The following BCAS3 variants were observed in gnomAD, a reference collection of about 807,000 sequenced individuals.
The protein encoded by BCAS3 is BCAS4/BCAS3 fusion.
A neutral mutation model predicts 116.1 loss-of-function variants in BCAS3; 53 were observed. That is an observed-to-expected ratio of 0.46 (90% CI 0.37 to 0.57). The LOEUF (loss-of-function observed/expected upper bound fraction) is 0.57, where lower values mean the gene tolerates loss of function less well. BCAS3 is among the 20% of genes least tolerant of loss of function. The probability of loss-of-function intolerance (pLI) is 0.00; values close to 1 mark genes in which losing one functional copy is unlikely to be tolerated. For synonymous variants in BCAS3, 391 were observed against 408.2 expected, an observed-to-expected ratio of 0.96 and a Z score of 0.51; for missense variants, 917 against 1,165.4, an observed-to-expected ratio of 0.79 and a Z score of 3.10.
At chr17:60,855,195 A>C (rs572447698) in intron 7 of BCAS3, among the ~76,000 whole-genome samples, 1 of 150,594 alleles carries the variant, frequency 6.6e-6, no homozygotes, top group African/African-American at 2.4e-5. Context: ...TGATCTACCC[A>C]CCTTGGCCTC....
intron 22 of BCAS3, among the ~76,000 whole-genome samples, chr17:61,274,074 A>G (rs1313877355): frequency 6.6e-5 from 10 of 150,992 alleles, no homozygotes; most frequent in African/African-American, 1.5e-4. Context: ...TCGTCATTTA[A>G]CATTAGGTAT....
chr17:60,827,939 C>G (rs2050580785), intron 7 of BCAS3, among the ~76,000 whole-genome samples: 1 of 152,014 alleles, frequency 6.6e-6, no homozygotes, highest in Non-Finnish European at 1.5e-5. Context: ...ACAACTTAAC[C>G]AAAAAGTAAA....
chr17:61,134,708 C>T lies in BCAS3; in HGVS notation c.2425+50144C>T, dbSNP rs1032734192. 3.9e-5 allele frequency among the ~76,000 whole-genome samples: 6 copies of T among 152,120 alleles called. No individual in the cohort carries two copies. Among genetic ancestry groups the T allele is most frequent in the Non-Finnish European group, 8.8e-5 (6 of 68,020 alleles). On this transcript the variant is annotated intron_variant, in intron 22 of 23. Coordinates refer to ENST00000407086, the MANE Select transcript of BCAS3 (RefSeq NM_017679.5). The surrounding 1 kb of genome is among the most constrained non-coding windows in gnomAD (Gnocchi z 4.6). ...ATAATTATGTAATTATATTTACAAA[C>T]ACCTCATTTAACCTTCAAAACAATC...
At position 61,051,026 on chromosome 17, in the gene BCAS3, T is replaced by C. The variant is rs1277498037; in HGVS notation, c.2029+10134T>C. Among the ~76,000 whole-genome samples the C allele has an allele frequency of 6.6e-6, 1 of 152,072 alleles. No homozygotes were observed. The highest frequency in any genetic ancestry group is 1.5e-5 in the Non-Finnish European group (1 of 67,968). Reference sequence around the variant, plus strand: ...AACTAACACACTTTTAAATAGTCCATGGTTCACAGAAGAAATCTAAAGGGA... The same window carrying C: ...AACTAACACACTTTTAAATAGTCCACGGTTCACAGAAGAAATCTAAAGGGA... On this transcript the variant is annotated intron_variant, in intron 19 of 23. Coordinates refer to ENST00000407086, the MANE Select transcript of BCAS3 (RefSeq NM_017679.5). The surrounding 1 kb of genome is among the most constrained non-coding windows in gnomAD (Gnocchi z 4.1).
intron 22 of BCAS3, among the ~76,000 whole-genome samples, chr17:61,123,062 C>G (rs2075868544): frequency 1.3e-5 from 2 of 151,988 alleles, no homozygotes; most frequent in Non-Finnish European, 2.9e-5. Context: ...CTGCTTCAGC[C>G]TCCCAAGTAG....
chr17:60,685,533 G>A (rs1396252566), intron 3 of BCAS3, among the ~76,000 whole-genome samples: 1 of 151,090 alleles, frequency 6.6e-6, no homozygotes, highest in African/African-American at 2.4e-5. Context: ...ACTAGTTTCA[G>A]ACAAGTTACT....
At chr17:61,177,565 G>T (rs757390818) in intron 22 of BCAS3, among the ~76,000 whole-genome samples, 5 of 152,164 alleles carry the variant, frequency 3.3e-5, no homozygotes, top group Admixed American at 6.5e-5. Flanking sequence ...AAGAGAGATG[G>T]ATTACAAAGG....
At chr17:61,119,062 A>C (rs1173551583) in intron 22 of BCAS3, among the ~76,000 whole-genome samples, 1 of 152,172 alleles carries the variant, frequency 6.6e-6, no homozygotes, top group Admixed American at 6.5e-5. Context: ...CTGACAGTTA[A>C]GTGATGCGGA....
intron 7 of BCAS3, among the ~76,000 whole-genome samples, chr17:60,837,022 A>G (rs1489691099): frequency 6.6e-6 from 1 of 152,158 alleles, no homozygotes; most frequent in Non-Finnish European, 1.5e-5. Flanking sequence ...AGACTGACAA[A>G]CTTGTACTTT....
chr17:60,802,283 CA>C (rs1174016996), intron 6 of BCAS3, among the ~76,000 whole-genome samples: 1,247 of 107,878 alleles, frequency 0.012, 19 homozygotes, highest in African/African-American at 0.041. Context: ...GACTCTGTCT[CA>C]AAAAAAAAAA....
At position 61,367,441 on chromosome 17, in the gene BCAS3, G is replaced by A. The variant is rs567222063; in HGVS notation, c.2426-886G>A. 1 of 152,442 alleles carries A rather than the reference G, an allele frequency of 6.6e-6. No individual in the cohort carries two copies. Among genetic ancestry groups the A allele is most frequent in the East Asian group, 1.9e-4 (1 of 5,182 alleles). The allele number at this position is 152,442 out of a possible 1,614,324, so 9.4% of individuals were successfully genotyped here. Reference sequence around the variant, plus strand: ...CTCACATGTAAGATCTAATCTTAGCGTTCAGCAGAACACCACAGACGTTTT... The same window carrying A: ...CTCACATGTAAGATCTAATCTTAGCATTCAGCAGAACACCACAGACGTTTT... On this transcript the variant is annotated intron_variant, in intron 22 of 23. Coordinates refer to ENST00000407086, the MANE Select transcript of BCAS3 (RefSeq NM_017679.5). This position sits in a 1 kb window ranked among gnomAD's most constrained non-coding sequence, Gnocchi z 6.2.
rs2053536996 is a variant in BCAS3 at position 61,302,566 on chromosome 17, A to G, written c.2426-65761A>G. Among the ~76,000 whole-genome samples the G allele has an allele frequency of 6.6e-6, 1 of 152,176 alleles. No homozygotes were observed. The highest frequency in any genetic ancestry group is 2.1e-4 in the South Asian group (1 of 4,834). ...GTCTCCTTATCTGAAGTCCTAGGCT[A>G]TCTTGTTTAATACTGACAATATAAT... On this transcript the variant is annotated intron_variant, in intron 22 of 23. Coordinates refer to ENST00000407086, the MANE Select transcript of BCAS3 (RefSeq NM_017679.5). This position sits in a 1 kb window ranked among gnomAD's most constrained non-coding sequence, Gnocchi z 4.4.
At chr17:61,357,427 C>T (rs570797635) in intron 22 of BCAS3, among the ~76,000 whole-genome samples, 17 of 147,854 alleles carry the variant, frequency 1.1e-4, no homozygotes, top group Admixed American at 6.7e-5. Context: ...GAGATCCTCT[C>T]TCTAAAAAAA....
In BCAS3 at chr17:60,918,091, C is replaced by T. The variant is rs115648786; in HGVS notation, c.994-6316C>T. Among the ~76,000 whole-genome samples, 169 of 152,244 alleles carry T rather than the reference C, an allele frequency of 1.1e-3. 1 individual carries two copies. The highest frequency in any genetic ancestry group is 3.7e-3 in the African/African-American group (154 of 41,548). On this transcript the variant is annotated intron_variant, in intron 12 of 23. Transcript: ENST00000407086. ...ACCATTTTAAATTCCCACCAGTGAA[C>T]GTCCAATGATGGATAAGGGTCTCAA...
At position 61,171,258 on chromosome 17, in the gene BCAS3, A is replaced by G. The variant is rs148368370; in HGVS notation, c.2425+86694A>G. ...GTTACAAATATATGCTATACATTCTAAAGCAGCCTCTAAAGTAACATAGGT... is the reference window on the plus strand; with the variant it reads ...GTTACAAATATATGCTATACATTCTGAAGCAGCCTCTAAAGTAACATAGGT... On this transcript the variant is annotated intron_variant, in intron 22 of 23. Coordinates refer to ENST00000407086, the MANE Select transcript of BCAS3 (RefSeq NM_017679.5). The surrounding 1 kb of genome is among the most constrained non-coding windows in gnomAD (Gnocchi z 4.1). Among the ~76,000 whole-genome samples, 4 of 152,356 alleles carry G rather than the reference A, an allele frequency of 2.6e-5. No individual in the cohort carries two copies. The East Asian group carries it at 7.7e-4, about 29-fold the overall frequency.
intron 21 of BCAS3, among the ~76,000 whole-genome samples, chr17:61,080,482 C>T (rs181427334): frequency 2.6e-4 from 39 of 152,072 alleles, no homozygotes; most frequent in Non-Finnish European, 4.6e-4. Flanking sequence ...TGGTGGCTCA[C>T]GCCTGTAATC....
At chr17:61,308,629 TG>T (rs2054051852) in intron 22 of BCAS3, among the ~76,000 whole-genome samples, 1 of 149,708 alleles carries the variant, frequency 6.7e-6, no homozygotes, top group East Asian at 2.0e-4. Context: ...GGCAGGGGGG[TG>T]GGGGTAGTTA....
chr17:61,096,093 G>A (rs773581589), intron 22 of BCAS3, among the ~76,000 whole-genome samples: 5 of 152,104 alleles, frequency 3.3e-5, no homozygotes, highest in Non-Finnish European at 4.4e-5. Context: ...CACCTCCAGG[G>A]TTCAAGCGAT....
chr17:60,694,515 AT>A (rs2035319856), intron 4 of BCAS3, among the ~76,000 whole-genome samples: 1 of 151,920 alleles, frequency 6.6e-6, no homozygotes, highest in Non-Finnish European at 1.5e-5. Context: ...AAAAAAATTT[AT>A]TGATCATTAA....
Sources: gnomAD v4.1 joint callset for allele counts (sites outside exome capture counted in the v4.1 genomes callset) on GRCh38, gnomAD v4.1.1 for gene constraint, Gnocchi (gnomAD v3.1) non-coding constraint, MANE v1.5 for transcripts, NCBI Gene and HGNC (gene_info 2026-07-23, HGNC 2026-07-21) for gene names.